Variants in LGR4 observed in about 807,000 individuals in gnomAD.
LGR4 encodes leucine-rich repeat-containing G protein-coupled receptor 4.
A neutral mutation model predicts 84.8 loss-of-function variants in LGR4; 44 were observed. The observed-to-expected ratio is 0.52, with a 90% CI of 0.41 to 0.67. The LOEUF is 0.67. Among genes scored for constraint, LGR4 ranks in the 30% least tolerant of loss-of-function variants. The pLI, the probability that LGR4 is intolerant of heterozygous loss-of-function variation, is 0.00. For missense variants in LGR4, 1,032 were observed against 1,131.4 expected (o/e 0.91, Z 1.26); for synonymous variants, 429 against 434.3 (o/e 0.99, Z 0.15).
At chr11:27,384,741 T>C (rs909648282) in intron 5 of LGR4, among the ~76,000 whole-genome samples, 2 of 152,232 alleles carry the variant, frequency 1.3e-5, no homozygotes, top group Non-Finnish European at 2.9e-5. Flanking sequence ...AAAAATTTGA[T>C]GAGCTCTCTT....
intron 2 of LGR4, among the ~76,000 whole-genome samples, chr11:27,400,850 C>T (rs1863487368): frequency 6.6e-6 from 1 of 152,102 alleles, no homozygotes; most frequent in Non-Finnish European, 1.5e-5. Flanking sequence ...GATATGGTTA[C>T]TTTCTTAGTG....
At position 27,366,281 on chromosome 11, in the gene LGR4, C is replaced by G. The variant is rs1343721203; in HGVS notation, c.*1586G>C. The G allele has an allele frequency of 2.6e-5, 4 of 152,390 alleles. No homozygotes were observed. Among genetic ancestry groups the G allele is most frequent in the Non-Finnish European group, 4.4e-5 (3 of 67,928 alleles). The allele number at this position is 152,390 out of a possible 1,614,324, so 9.4% of individuals were successfully genotyped here. A position where few individuals can be genotyped will look rare whatever the true frequency, so the allele number is the denominator to read the frequency against. ...ATACAAACTACATGATTTTGATATA[C>G]AAAGATTCTGTTTTTATTACACTGA... On this transcript the variant is annotated 3_prime_UTR_variant, in exon 18 of 18. Transcript: ENST00000379214.
At chr11:27,409,463 T>C (rs1863670034) in intron 2 of LGR4, among the ~76,000 whole-genome samples, 1 of 152,124 alleles carries the variant, frequency 6.6e-6, no homozygotes, top group East Asian at 1.9e-4. Context: ...TACACTCTTA[T>C]CTTTATCAAA....
chr11:27,444,067 T>G (rs1864347149), intron 1 of LGR4, among the ~76,000 whole-genome samples: 1 of 150,594 alleles, frequency 6.6e-6, no homozygotes, highest in Non-Finnish European at 1.5e-5. Context: ...CAATGAGGCA[T>G]TACACGCCTG....
At chr11:27,430,405 GA>G (rs144011310) in intron 1 of LGR4, among the ~76,000 whole-genome samples, 2,762 of 152,316 alleles carry the variant, frequency 0.018, 82 homozygotes, top group African/African-American at 0.063. Flanking sequence ...CCAGATAGCT[GA>G]GGTTTACCTT....
chr11:27,429,651 T>C (rs567325052), intron 1 of LGR4, among the ~76,000 whole-genome samples: 1 of 152,282 alleles, frequency 6.6e-6, no homozygotes, highest in African/African-American at 2.4e-5. Context: ...ATTAGATCAT[T>C]TGTCAATATG....
At chr11:27,395,927 CA>C (rs1863383610) in intron 2 of LGR4, among the ~76,000 whole-genome samples, 1 of 152,052 alleles carries the variant, frequency 6.6e-6, no homozygotes, top group East Asian at 1.9e-4. Flanking sequence ...CAGAAAAGAG[CA>C]AAGTAAATAA....
intron 2 of LGR4, among the ~76,000 whole-genome samples, chr11:27,403,234 G>C (rs1237790729): frequency 6.6e-6 from 1 of 152,204 alleles, no homozygotes; most frequent in Non-Finnish European, 1.5e-5. Flanking sequence ...ACTTTGGGAG[G>C]CCAAGGCAGG....
At chr11:27,439,044 A>G (rs1864257101) in intron 1 of LGR4, among the ~76,000 whole-genome samples, 2 of 152,212 alleles carry the variant, frequency 1.3e-5, no homozygotes, top group Non-Finnish European at 2.9e-5. Context: ...TGCCAAGGTT[A>G]AAAAACCCTG....
At chr11:27,378,327 C>G (rs1398886769) in intron 11 of LGR4, among the ~76,000 whole-genome samples, 1 of 152,044 alleles carries the variant, frequency 6.6e-6, no homozygotes, top group Non-Finnish European at 1.5e-5. Context: ...TTAGTTCATT[C>G]CAGACTGAAT....
intron 1 of LGR4, among the ~76,000 whole-genome samples, chr11:27,442,984 G>T (rs1864328827): frequency 6.6e-6 from 1 of 152,168 alleles, no homozygotes; most frequent in Non-Finnish European, 1.5e-5. Context: ...CACATATCGT[G>T]CTCAACTCAT....
chr11:27,369,805 C>T (rs1862846937), intron 17 of LGR4, among the ~76,000 whole-genome samples: 1 of 152,050 alleles, frequency 6.6e-6, no homozygotes, highest in Non-Finnish European at 1.5e-5. Flanking sequence ...CAAAAGCAAC[C>T]TGATGAAGCA....
chr11:27,399,059 T>TGC (rs1565079157), intron 2 of LGR4, among the ~76,000 whole-genome samples: 1 of 151,818 alleles, frequency 6.6e-6, no homozygotes, highest in African/African-American at 2.4e-5. Flanking sequence ...TACAGCCATG[T>TGC]ACCACCACAC....
At chr11:27,375,680 G>A (rs1037298369) in intron 13 of LGR4, among the ~76,000 whole-genome samples, 1 of 152,196 alleles carries the variant, frequency 6.6e-6, no homozygotes, top group African/African-American at 2.4e-5. Context: ...GCCTGGCAGT[G>A]TTCAATTAAA....
chr11:27,449,822 C>T (rs146650038), intron 1 of LGR4, among the ~76,000 whole-genome samples: 1 of 152,228 alleles, frequency 6.6e-6, no homozygotes, highest in African/African-American at 2.4e-5. Context: ...AACAGGATGA[C>T]CTTCAATTGT....
chr11:27,378,290 C>A (rs1337197694), intron 11 of LGR4, among the ~76,000 whole-genome samples: 2 of 151,970 alleles, frequency 1.3e-5, no homozygotes, highest in African/African-American at 2.4e-5. Context: ...TCTAGGTCAG[C>A]CTAAAGTTTT....
At chr11:27,432,207 C>T (rs1467771648) in intron 1 of LGR4, among the ~76,000 whole-genome samples, 1 of 152,204 alleles carries the variant, frequency 6.6e-6, no homozygotes, top group Non-Finnish European at 1.5e-5. Flanking sequence ...TTCCCTAAAT[C>T]CTCCTTCCCA....
At chr11:27,402,651 C>T (rs1863525973) in intron 2 of LGR4, among the ~76,000 whole-genome samples, 1 of 152,060 alleles carries the variant, frequency 6.6e-6, no homozygotes, top group Non-Finnish European at 1.5e-5. Flanking sequence ...AACAATATAC[C>T]CAGCTCAAAG....
At chr11:27,462,080 G>A (rs1369918088) in intron 1 of LGR4, among the ~76,000 whole-genome samples, 3 of 151,904 alleles carry the variant, frequency 2.0e-5, no homozygotes, top group Non-Finnish European at 4.4e-5. Context: ...TAATCTACCC[G>A]CCTCGGCCTC....
Sources: gnomAD v4.1 joint callset for allele counts (sites outside exome capture counted in the v4.1 genomes callset) on GRCh38, gnomAD v4.1.1 for gene constraint, MANE v1.5 for transcripts, NCBI Gene and HGNC (gene_info 2026-07-23, HGNC 2026-07-21) for gene names.